RUFY4: variants seen among roughly 807,000 people sequenced by gnomAD.
The protein encoded by RUFY4 is RUN and FYVE domain-containing protein 4.
RUFY4 carries 73 observed loss-of-function variants against 69.0 expected under a neutral mutation model. The ratio of observed to expected loss-of-function variants is 1.06; its 90% CI spans 0.88 to 1.29. The LOEUF is 1.29. Ranked by LOEUF, RUFY4 falls within the 50% of genes most tolerant of loss-of-function variation. The pLI, the probability that RUFY4 is intolerant of heterozygous loss-of-function variation, is 0.00. For missense variants in RUFY4, 770 were observed against 705.6 expected, an observed-to-expected ratio of 1.09 and a Z score of -1.03; for synonymous variants, 287 against 271.8, an observed-to-expected ratio of 1.06 and a Z score of -0.55.
At chr2:218,038,676 G>C (rs182855134) in intron 2 of RUFY4, among the ~76,000 whole-genome samples, 433 of 152,240 alleles carry the variant, frequency 2.8e-3, no homozygotes, top group African/African-American at 9.8e-3. Context: ...AAACATAGCG[G>C]GTGAGGGGTT....
chr2:218,060,431 T>C, intron 3 of RUFY4: 1 of 1,513,770 alleles, frequency 6.6e-7, no homozygotes, highest in Non-Finnish European at 9.1e-7. Context: ...AAGCCGTGTA[T>C]GGCTATAATC....
intron 2 of RUFY4, among the ~76,000 whole-genome samples, chr2:218,042,064 T>C (rs1019670014): frequency 2.0e-5 from 3 of 152,216 alleles, no homozygotes; most frequent in Admixed American, 2.0e-4. Context: ...GTTGGGCTGT[T>C]GACTTATCCA....
In RUFY4 at chr2:218,075,586, C is replaced by CG. The variant is rs747570678; in HGVS notation, c.1100dup (p.Ser368LeufsTer2). The CG allele has an allele frequency of 6.6e-7, 1 of 1,524,834 alleles. No individual in the cohort carries two copies. The allele number at this position is 1,524,834 out of a possible 1,614,324, so 94.5% of individuals were successfully genotyped here. A position where few individuals can be genotyped will look rare whatever the true frequency, so the allele number is the denominator to read the frequency against. ...GCAGTATCAGGGAGCAGGCAGGGGT[C>CG]GGGGGGCTCTAGCATCCTGGGGGAG... On this transcript the variant is annotated frameshift_variant, in exon 7 of 11. Coordinates refer to ENST00000344321, the Ensembl canonical transcript of RUFY4. LOFTEE classifies it high-confidence loss of function.
intron 2 of RUFY4, among the ~76,000 whole-genome samples, chr2:218,054,803 C>T (rs778170579): frequency 8.5e-5 from 13 of 152,134 alleles, no homozygotes; most frequent in Non-Finnish European, 1.2e-4. Context: ...AGTTTAACAA[C>T]AATTTGGTGA....
rs887552641 is a variant in RUFY4, at chr2:218,060,559, C to T, written c.-1071+1878C>T. ...CAGGGCCTGGTTGATGTCGTTGCGG[C>T]GCTCACAGGTCTCATTGGTCATCTG... On this transcript the variant is annotated intron_variant and NMD_transcript_variant, in intron 3 of 13. Transcript: ENST00000457754. 31 of 1,305,056 alleles carry T rather than the reference C, an allele frequency of 2.4e-5. No individual in the cohort carries two copies. The Admixed American group carries it at 2.9e-4, about 12-fold the overall frequency. 80.8% of individuals were successfully genotyped at this position (1,305,056 alleles called of 1,614,324 possible). A position where few individuals can be genotyped will look rare whatever the true frequency, so the allele number is the denominator to read the frequency against.
At chr2:218,060,523 T>C in intron 3 of RUFY4, 1 of 1,300,246 alleles carries the variant, frequency 7.7e-7, no homozygotes, top group Non-Finnish European at 1.1e-6. Flanking sequence ...GCCCAGAATC[T>C]CAGTGGCATC....
chr2:218,061,881 CAG>C (rs1689203226), intron 3 of RUFY4, among the ~76,000 whole-genome samples: 1 of 152,228 alleles, frequency 6.6e-6, no homozygotes, highest in Non-Finnish European at 1.5e-5. Context: ...ACCCTCAAAA[CAG>C]ATCAAGGTTT....
At chr2:218,057,426 TAC>T (rs1689087075) in intron 2 of RUFY4, among the ~76,000 whole-genome samples, 1 of 152,254 alleles carries the variant, frequency 6.6e-6, no homozygotes, top group Non-Finnish European at 1.5e-5. Flanking sequence ...AGCCATTTAT[TAC>T]ACATGCTGTT....
At chr2:218,045,412 G>C (rs1034589364) in intron 2 of RUFY4, among the ~76,000 whole-genome samples, 1 of 151,916 alleles carries the variant, frequency 6.6e-6, no homozygotes, top group Non-Finnish European at 1.5e-5. Context: ...CATCAGGTAG[G>C]AAGAAAAAGA....
intron 9 of RUFY4, among the ~76,000 whole-genome samples, chr2:218,084,169 G>A (rs1689834882): frequency 6.6e-6 from 1 of 151,994 alleles, no homozygotes; most frequent in Admixed American, 6.6e-5. Flanking sequence ...ATACAGTTCA[G>A]GAAACAGGAG....
At chr2:218,047,811 T>C (rs1439061962) in intron 2 of RUFY4, among the ~76,000 whole-genome samples, 1 of 152,210 alleles carries the variant, frequency 6.6e-6, no homozygotes, top group African/African-American at 2.4e-5. Flanking sequence ...TATTTAGTGA[T>C]TAATAATTTT....
chr2:218,038,977 A>C (rs1959020157), intron 2 of RUFY4, among the ~76,000 whole-genome samples: 1 of 152,138 alleles, frequency 6.6e-6, no homozygotes, highest in South Asian at 2.1e-4. Context: ...CTAGGTGTAA[A>C]GAAGTCTGGG....
intron 2 of RUFY4, among the ~76,000 whole-genome samples, chr2:218,071,477 A>G (rs1437979614): frequency 6.6e-6 from 1 of 151,938 alleles, no homozygotes; most frequent in African/African-American, 2.4e-5. Flanking sequence ...AATGCACAGC[A>G]TACTTTCTCA....
At chr2:218,051,857 C>A (rs1460134590) in intron 2 of RUFY4, among the ~76,000 whole-genome samples, 1 of 152,186 alleles carries the variant, frequency 6.6e-6, no homozygotes, top group Admixed American at 6.5e-5. Flanking sequence ...ACAACAACAA[C>A]AAAAACTACA....
chr2:218,051,590 A>C (rs999465679), intron 2 of RUFY4, among the ~76,000 whole-genome samples: 1 of 142,246 alleles, frequency 7.0e-6, no homozygotes, highest in Non-Finnish European at 1.5e-5. Flanking sequence ...AAAAAAAAAC[A>C]CAGAAAAGTG....
At chr2:218,063,591 G>A (rs1392774657) in intron 3 of RUFY4, among the ~76,000 whole-genome samples, 1 of 152,192 alleles carries the variant, frequency 6.6e-6, no homozygotes, top group Admixed American at 6.5e-5. Flanking sequence ...GCATGCTCCA[G>A]CCCTCAGGAA....
At chr2:218,045,088 C>T (rs2106028214) in intron 2 of RUFY4, among the ~76,000 whole-genome samples, 1 of 152,230 alleles carries the variant, frequency 6.6e-6, no homozygotes, top group South Asian at 2.1e-4. Flanking sequence ...CCTTTTTCTC[C>T]CCAACCTGGC....
intron 2 of RUFY4, among the ~76,000 whole-genome samples, chr2:218,051,297 A>G (rs1336078826): frequency 6.6e-6 from 1 of 152,174 alleles, no homozygotes; most frequent in African/African-American, 2.4e-5. Flanking sequence ...ACCACATTAG[A>G]AATTGTTCTG....
chr2:218,064,458 CTCTCCATCTCAA>C (rs1349030226), upstream of RUFY4, among the ~76,000 whole-genome samples: 1 of 152,208 alleles, frequency 6.6e-6, no homozygotes, highest in Non-Finnish European at 1.5e-5. Context: ...TCCCACCCAC[CTCTCCATCTCAA>C]TCCACATCCT....
Sources: gnomAD v4.1 joint callset for allele counts (sites outside exome capture counted in the v4.1 genomes callset) on GRCh38, gnomAD v4.1.1 for gene constraint, MANE v1.5 for transcripts, NCBI Gene and HGNC (gene_info 2026-07-23, HGNC 2026-07-21) for gene names.